The following SIN3A variants were observed in gnomAD, a reference collection of about 807,000 sequenced individuals.
The protein encoded by SIN3A is paired amphipathic helix protein Sin3a.
SIN3A carries 14 observed loss-of-function variants against 146.1 expected under a neutral mutation model. That is an observed-to-expected ratio of 0.10 (90% confidence interval 0.06 to 0.15). SIN3A has a LOEUF of 0.15. Among genes scored for constraint, SIN3A ranks in the 10% least tolerant of loss-of-function variants. The pLI is 1.00. For synonymous variants in SIN3A, 572 were observed against 572.0 expected, an observed-to-expected ratio of 1.00 and a Z score of 0.00; for missense variants, 1,028 against 1,576.0, an observed-to-expected ratio of 0.65 and a Z score of 5.89.
chr15:75,406,091 G>A (rs529176089), intron 9 of SIN3A, among the ~76,000 whole-genome samples: 5 of 152,252 alleles, frequency 3.3e-5, no homozygotes, highest in Admixed American at 2.6e-4. Flanking sequence ...AAACCCAAGA[G>A]GCAGAAAATA....
intron 17 of SIN3A, 93 bp from the exon 18 acceptor site, chr15:75,381,798 T>A: frequency 9.3e-7 from 1 of 1,075,846 alleles, no homozygotes; most frequent in Non-Finnish European, 1.4e-6. Context: ...GCAATAAACT[T>A]AGTAAACTTT....
intron 16 of SIN3A, among the ~76,000 whole-genome samples, chr15:75,388,081 C>T (rs1482634772): frequency 6.6e-6 from 1 of 152,176 alleles, no homozygotes; most frequent in African/African-American, 2.4e-5. Context: ...AGCATGGGTA[C>T]TTTGCAAAGA....
intron 1 of SIN3A, among the ~76,000 whole-genome samples, chr15:75,449,789 T>C (rs1163803017): frequency 6.6e-6 from 1 of 152,232 alleles, no homozygotes; most frequent in East Asian, 1.9e-4. Flanking sequence ...GTTTTTTTGG[T>C]TGTTTTTTGA....
At chr15:75,440,475 G>A (rs930309349) in intron 1 of SIN3A, among the ~76,000 whole-genome samples, 4 of 152,028 alleles carry the variant, frequency 2.6e-5, no homozygotes. Context: ...CAAGTGATCT[G>A]CCCGCTTCAG....
intron 1 of SIN3A, among the ~76,000 whole-genome samples, chr15:75,433,587 G>T (rs1304636699): frequency 6.6e-6 from 1 of 151,994 alleles, no homozygotes. Flanking sequence ...GGGCGTGGTG[G>T]CTCACGAGAT....
At chr15:75,447,561 A>G (rs2074330129) in intron 1 of SIN3A, 1 of 152,272 alleles carries the variant, frequency 6.6e-6, no homozygotes, top group Non-Finnish European at 1.5e-5. Flanking sequence ...AGGGCTGAGT[A>G]GCTCCCCATA....
At chr15:75,453,836 C>T (rs1003959121), upstream of SIN3A, 1 of 152,330 alleles carries the variant, frequency 6.6e-6, no homozygotes, top group African/African-American at 2.4e-5. Flanking sequence ...ATCCACTCCG[C>T]ACTGTAATCC....
intron 3 of SIN3A, among the ~76,000 whole-genome samples, chr15:75,416,922 G>A (rs565460802): frequency 1.3e-5 from 2 of 152,260 alleles, no homozygotes; most frequent in Non-Finnish European, 2.9e-5. Context: ...TGAAAGTCAG[G>A]GTTGGCTTGT....
chr15:75,415,854 GA>G (rs397946961), intron 3 of SIN3A: 1,592 of 96,212 alleles, frequency 0.017, 2 homozygotes, highest in South Asian at 0.037. Flanking sequence ...TCGGTCTCAG[GA>G]AAAAAAAAAA....
At chr15:75,405,249 C>T (rs2073487892) in intron 9 of SIN3A, among the ~76,000 whole-genome samples, 1 of 151,288 alleles carries the variant, frequency 6.6e-6, no homozygotes, top group Non-Finnish European at 1.5e-5. Flanking sequence ...GCCTGTAATC[C>T]TAGCTACTCA....
chr15:75,428,491 A>T (rs557977622), intron 2 of SIN3A, among the ~76,000 whole-genome samples: 65 of 151,710 alleles, frequency 4.3e-4, no homozygotes, highest in African/African-American at 1.3e-3. Flanking sequence ...TTTTTTATTT[A>T]TTTTTTCAAA....
chr15:75,376,233 C>T (rs2072853249), intron 19 of SIN3A: 1 of 241,710 alleles, frequency 4.1e-6, no homozygotes, highest in Non-Finnish European at 8.1e-6. Flanking sequence ...TTGTCCTCAA[C>T]TTTTCACTTA....
At chr15:75,415,074 T>G (rs957726250) in intron 3 of SIN3A, among the ~76,000 whole-genome samples, 3 of 152,208 alleles carry the variant, frequency 2.0e-5, no homozygotes, top group African/African-American at 7.2e-5. Flanking sequence ...TGCATTTTCG[T>G]GTACGCAATT....
intron 15 of SIN3A, among the ~76,000 whole-genome samples, chr15:75,391,501 A>AT (rs996464343): frequency 7.9e-5 from 10 of 125,836 alleles, no homozygotes; most frequent in African/African-American, 2.8e-4. Context: ...TCAGCAACAC[A>AT]TAAAAAAAAA....
chr15:75,450,651 A>G (rs9944231), intron 1 of SIN3A, among the ~76,000 whole-genome samples: 69 of 152,292 alleles, frequency 4.5e-4, no homozygotes, highest in African/African-American at 1.6e-3. Context: ...AAAGCGGAGA[A>G]AGCAGCTCCG....
At position 75,430,265 on chromosome 15, in the gene SIN3A, G is replaced by A. The variant is rs2141571310; in HGVS notation, c.111C>T (p.Ala37=). The A allele has an allele frequency of 6.2e-7, 1 of 1,614,116 alleles. No homozygotes were observed. The highest frequency in any genetic ancestry group is 8.5e-7 in the Non-Finnish European group (1 of 1,180,024). Reference sequence around the variant, plus strand: ...CAGACACTGCTTCATACACAGGAGGGGCAGGGGCAAGCACCCGGTGCTGGT... The same window carrying A: ...CAGACACTGCTTCATACACAGGAGGAGCAGGGGCAAGCACCCGGTGCTGGT... The part of the protein sequence containing the change: ...FPHQHRVLAP[A]PPVYEAVSET... The change falls in exon 2 of 21, where the codon GCC becomes GCT. Residue 37 remains alanine, a synonymous_variant. Transcript: ENST00000394947.
chr15:75,430,095 A>G (rs1435941819), intron 2 of SIN3A, 92 bp downstream of exon 2: 33 of 900,774 alleles, frequency 3.7e-5, no homozygotes, highest in Admixed American at 2.4e-4. Context: ...ACAATTTTTA[A>G]TATCTAACAC....
chr15:75,394,592 T>C (rs886798240), intron 14 of SIN3A, 88 bp downstream of exon 14: 5 of 1,086,546 alleles, frequency 4.6e-6, no homozygotes, highest in Non-Finnish European at 5.3e-6. Flanking sequence ...GAGTCTCACC[T>C]GCATTTAACA....
intron 16 of SIN3A, among the ~76,000 whole-genome samples, chr15:75,385,747 A>C (rs1277987721): frequency 6.6e-6 from 1 of 152,204 alleles, no homozygotes; most frequent in Non-Finnish European, 1.5e-5. Context: ...TTAAGTCCTA[A>C]ATGACCAGTA....
Sources: allele counts gnomAD v4.1 joint callset (sites outside exome capture counted in the v4.1 genomes callset), GRCh38; gene constraint gnomAD v4.1.1; transcripts MANE v1.5; gene names NCBI Gene and HGNC (gene_info 2026-07-23, HGNC 2026-07-21).